Variants in PPP1R12B observed in about 807,000 individuals in gnomAD.
The protein encoded by PPP1R12B is myosin phosphatase target subunit 2.
In PPP1R12B, 76 loss-of-function variants were observed where a neutral mutation model predicts 126.1. The ratio of observed to expected loss-of-function variants is 0.60; its 90% CI spans 0.50 to 0.73. The LOEUF (loss-of-function observed/expected upper bound fraction) is 0.73, where lower values mean the gene tolerates loss of function less well. Ranked by LOEUF, PPP1R12B falls within the 30% of genes least tolerant of loss-of-function variation. The pLI, the probability that PPP1R12B is intolerant of heterozygous loss-of-function variation, is 0.00. For synonymous variants in PPP1R12B, 356 were observed against 434.7 expected (o/e 0.82, Z 2.25); for missense variants, 1,052 against 1,205.1 (o/e 0.87, Z 1.88).
At chr1:202,555,325 G>GGAA (rs1686781435) in intron 18 of PPP1R12B, among the ~76,000 whole-genome samples, 1 of 25,340 alleles carries the variant, frequency 3.9e-5, no homozygotes, top group African/African-American at 1.6e-4. Flanking sequence ...CTGTTTTAAT[G>GGAA]AAAAAAAAAA....
At chr1:202,556,694 G>A (rs1160221457) in intron 18 of PPP1R12B, among the ~76,000 whole-genome samples, 20 of 152,092 alleles carry the variant, frequency 1.3e-4, no homozygotes, top group Admixed American at 6.6e-5. Context: ...TGCTTCAGGC[G>A]AACTTGTTAA....
chr1:202,374,726 C>G (rs533751677), intron 1 of PPP1R12B, among the ~76,000 whole-genome samples: 5 of 151,790 alleles, frequency 3.3e-5, no homozygotes, highest in Admixed American at 3.3e-4. Context: ...GCCTCGAACT[C>G]CTAATCTCAG....
chr1:202,385,800 T>C (rs1360800728), intron 1 of PPP1R12B, among the ~76,000 whole-genome samples: 1 of 152,226 alleles, frequency 6.6e-6, no homozygotes, highest in Non-Finnish European at 1.5e-5. Flanking sequence ...TTTTGTGTTT[T>C]TGTGTTTTGT....
At chr1:202,543,170 A>T (rs528500998) in intron 18 of PPP1R12B, among the ~76,000 whole-genome samples, 1 of 152,226 alleles carries the variant, frequency 6.6e-6, no homozygotes, top group South Asian at 2.1e-4. Context: ...ATAAACTGTA[A>T]GTCAAACAAG....
intron 18 of PPP1R12B, among the ~76,000 whole-genome samples, chr1:202,511,057 TATATA>T (rs1016258499): frequency 4.8e-5 from 7 of 146,984 alleles, no homozygotes; most frequent in African/African-American, 1.7e-4. Flanking sequence ...AATATAATAA[TATATA>T]ATATATATTA....
At chr1:202,360,748 CAT>C (rs892214990) in intron 1 of PPP1R12B, among the ~76,000 whole-genome samples, 1 of 151,314 alleles carries the variant, frequency 6.6e-6, no homozygotes, top group Non-Finnish European at 1.5e-5. Context: ...AAATAGTTAA[CAT>C]AGGTTTAGTG....
At chr1:202,442,713 A>T (rs1407796655) in intron 12 of PPP1R12B, 141 bp downstream of exon 12, 3 of 915,902 alleles carry the variant, frequency 3.3e-6, no homozygotes, top group East Asian at 2.9e-5. Flanking sequence ...TAGAATTAAC[A>T]TCTTGAATAA....
At position 202,464,389 on chromosome 1, in the gene PPP1R12B, T is replaced by C. The variant is rs187641901; in HGVS notation, c.1850+15218T>C. On this transcript the variant is annotated intron_variant, in intron 13 of 23. Transcript: ENST00000608999. ...TAAGATGGCAGCAGAAGAACGTCTA[T>C]TGATCTACTTGAGTGTGAAGCTAGC... Among the ~76,000 whole-genome samples the C allele has an allele frequency of 3.5e-3, 538 of 152,324 alleles. 4 individuals carry two copies. Among genetic ancestry groups the C allele is most frequent in the Non-Finnish European group, 6.1e-3 (415 of 68,030 alleles).
intron 1 of PPP1R12B, among the ~76,000 whole-genome samples, chr1:202,399,941 C>T (rs1665580816): frequency 6.6e-6 from 1 of 151,902 alleles, no homozygotes; most frequent in Non-Finnish European, 1.5e-5. Context: ...TGATTGATCC[C>T]ATCACCCAGT....
intron 8 of PPP1R12B, among the ~76,000 whole-genome samples, chr1:202,432,486 C>A (rs1344961850): frequency 1.3e-5 from 2 of 152,066 alleles, no homozygotes; most frequent in Admixed American, 1.3e-4. Context: ...CAGCTGGTCT[C>A]AAACTCCCGA....
At chr1:202,358,499 G>A (rs1044513457) in intron 1 of PPP1R12B, among the ~76,000 whole-genome samples, 4 of 152,072 alleles carry the variant, frequency 2.6e-5, no homozygotes, top group African/African-American at 9.7e-5. Flanking sequence ...TGGCTAACAC[G>A]GTGAAACCCT....
chr1:202,378,245 T>TTG (rs1444100022), intron 1 of PPP1R12B, among the ~76,000 whole-genome samples: 2 of 111,732 alleles, frequency 1.8e-5, no homozygotes, highest in African/African-American at 6.7e-5. Flanking sequence ...GTTGTCTTCA[T>TTG]TCTTTTTTTT....
chr1:202,555,457 A>G (rs1274009315), intron 18 of PPP1R12B, among the ~76,000 whole-genome samples: 2 of 148,966 alleles, frequency 1.3e-5, no homozygotes, highest in Non-Finnish European at 3.0e-5. Flanking sequence ...TTTACAAAGA[A>G]GAAACTAAAA....
At chr1:202,483,790 C>T (rs1309654645) in intron 13 of PPP1R12B, among the ~76,000 whole-genome samples, 4 of 152,092 alleles carry the variant, frequency 2.6e-5, no homozygotes, top group African/African-American at 4.8e-5. Context: ...TATATCTGGG[C>T]GCTCTGGTCT....
chr1:202,424,206 C>T (rs889223285), intron 3 of PPP1R12B, among the ~76,000 whole-genome samples: 1 of 152,158 alleles, frequency 6.6e-6, no homozygotes, highest in Non-Finnish European at 1.5e-5. Flanking sequence ...GTTTAACTTT[C>T]CAGCACTGCT....
chr1:202,571,798 G>C (rs1294464893), intron 23 of PPP1R12B, among the ~76,000 whole-genome samples: 1 of 152,084 alleles, frequency 6.6e-6, no homozygotes, highest in African/African-American at 2.4e-5. Context: ...GATTCAGTCA[G>C]GTGTCCATTA....
chr1:202,451,680 G>C (rs1672949919), intron 13 of PPP1R12B, among the ~76,000 whole-genome samples: 1 of 152,122 alleles, frequency 6.6e-6, no homozygotes, highest in Admixed American at 6.5e-5. Flanking sequence ...TCAGTGAGCT[G>C]TTGGGTACAC....
intron 13 of PPP1R12B, among the ~76,000 whole-genome samples, chr1:202,478,516 A>G (rs555883651): frequency 7.3e-4 from 111 of 152,302 alleles, no homozygotes; most frequent in African/African-American, 2.6e-3. Flanking sequence ...TTGTTTTTAT[A>G]TATTTTTTCT....
intron 18 of PPP1R12B, among the ~76,000 whole-genome samples, chr1:202,537,278 C>T (rs1328157827): frequency 2.3e-4 from 35 of 151,704 alleles, no homozygotes; most frequent in Middle Eastern, 3.4e-3. Context: ...GGCGTGAACC[C>T]GGGAGGCGGA....
Sources: allele counts gnomAD v4.1 joint callset (sites outside exome capture counted in the v4.1 genomes callset), GRCh38; gene constraint gnomAD v4.1.1; transcripts MANE v1.5; gene names NCBI Gene and HGNC (gene_info 2026-07-23, HGNC 2026-07-21).